The following PDE1C variants were observed in gnomAD, a reference collection of about 807,000 sequenced individuals.
The protein encoded by PDE1C is phosphodiesterase 1C.
Under a neutral mutation model 93.1 loss-of-function variants are expected in PDE1C, and 62 were observed. That is an observed-to-expected ratio of 0.67 (90% CI 0.54 to 0.82). The LOEUF (loss-of-function observed/expected upper bound fraction) is 0.82. Ranked by LOEUF, PDE1C falls within the 40% of genes least tolerant of loss-of-function variation. The probability of loss-of-function intolerance (pLI) is 0.00; values close to 1 mark genes in which losing one functional copy is unlikely to be tolerated. For missense variants in PDE1C, 742 were observed against 884.6 expected, an observed-to-expected ratio of 0.84 and a Z score of 2.04; for synonymous variants, 325 against 310.1, an observed-to-expected ratio of 1.05 and a Z score of -0.50.
intron 3 of PDE1C, among the ~76,000 whole-genome samples, chr7:32,123,640 C>T (rs751828395): frequency 6.6e-6 from 1 of 152,002 alleles, no homozygotes; most frequent in Admixed American, 6.6e-5. Flanking sequence ...AAAGGGCCTT[C>T]GATAAAATTC....
chr7:31,968,469 C>G (rs1440262549), intron 2 of PDE1C, among the ~76,000 whole-genome samples: 3 of 151,954 alleles, frequency 2.0e-5, no homozygotes, highest in Non-Finnish European at 2.9e-5. Context: ...AGGATACAAA[C>G]AAATGGAAGA....
the PDE1C span, among the ~76,000 whole-genome samples, chr7:31,723,169 TAATA>T: frequency 2.0e-5 from 3 of 152,316 alleles, no homozygotes; most frequent in South Asian, 4.1e-4. Context: ...ATGCTTATGA[TAATA>T]AAAATAAGCA....
chr7:32,202,795 T>C (rs1345478475), intron 2 of PDE1C, among the ~76,000 whole-genome samples: 2 of 152,148 alleles, frequency 1.3e-5, no homozygotes, highest in African/African-American at 2.4e-5. Context: ...TTGTGTTCTT[T>C]TGTGTTGCTT....
intron 1 of PDE1C, among the ~76,000 whole-genome samples, chr7:32,358,545 G>T (rs895107228): frequency 6.6e-6 from 1 of 152,204 alleles, no homozygotes; most frequent in East Asian, 1.9e-4. Flanking sequence ...CGGGCAAGTG[G>T]GGGTGTGGAA....
intron 5 of PDE1C, among the ~76,000 whole-genome samples, chr7:31,877,401 T>G (rs552620621): frequency 6.6e-6 from 1 of 152,160 alleles, no homozygotes; most frequent in East Asian, 1.9e-4. Context: ...TCAGTGAGAG[T>G]CTTTGGAAAA....
intron 2 of PDE1C, among the ~76,000 whole-genome samples, chr7:31,978,243 T>C (rs951613976): frequency 3.9e-5 from 6 of 152,288 alleles, no homozygotes; most frequent in African/African-American, 1.4e-4. Context: ...CTCCTACAGA[T>C]AAAACCTTGG....
chr7:31,959,775 T>C (rs1174446786), intron 2 of PDE1C, among the ~76,000 whole-genome samples: 1 of 152,216 alleles, frequency 6.6e-6, no homozygotes, highest in Non-Finnish European at 1.5e-5. Context: ...AAATAAAATA[T>C]TCCATTGCAT....
chr7:31,801,640 T>C (rs1786057305), intron 16 of PDE1C, among the ~76,000 whole-genome samples: 2 of 151,466 alleles, frequency 1.3e-5, no homozygotes, highest in Non-Finnish European at 3.0e-5. Context: ...AATGTTTTTG[T>C]AGTTTGTTTC....
chr7:32,289,617 C>CA (rs919511688), intron 1 of PDE1C, among the ~76,000 whole-genome samples: 15 of 148,208 alleles, frequency 1.0e-4, no homozygotes, highest in Admixed American at 2.0e-4. Flanking sequence ...ACAGCAAAAC[C>CA]AAAAAAAAAA....
chr7:31,965,827 T>A (rs1335842693), intron 2 of PDE1C, among the ~76,000 whole-genome samples: 10 of 152,154 alleles, frequency 6.6e-5, no homozygotes, highest in Admixed American at 6.6e-4. Flanking sequence ...GAAAATAATT[T>A]CCAACCCAGA....
chr7:31,843,310 A>G lies in PDE1C; in HGVS notation c.980+4658T>C, dbSNP rs551953121. On this transcript the variant is annotated intron_variant, in intron 9 of 17. Coordinates refer to ENST00000396191, the MANE Select transcript of PDE1C (RefSeq NM_001191057.4). Reference sequence around the variant, plus strand: ...TGACGCAAGAATCTTAAAACCTCCTATGATTGTGAAAATATATATTTCTCC... The same window carrying G: ...TGACGCAAGAATCTTAAAACCTCCTGTGATTGTGAAAATATATATTTCTCC... 3.3e-5 allele frequency among the ~76,000 whole-genome samples: 5 copies of G among 151,940 alleles called. No homozygotes were observed. In the East Asian group the frequency reaches 9.7e-4, roughly 29 times the overall value.
At chr7:31,761,562 G>A (rs766911409) in intron 17 of PDE1C, among the ~76,000 whole-genome samples, 1 of 152,164 alleles carries the variant, frequency 6.6e-6, no homozygotes, top group South Asian at 2.1e-4. Flanking sequence ...CTCTAGGCCA[G>A]TGGAGTCTAG....
At chr7:31,741,520 A>C in the PDE1C span, among the ~76,000 whole-genome samples, 1 of 152,114 alleles carries the variant, frequency 6.6e-6, no homozygotes, top group African/African-American at 2.4e-5. Flanking sequence ...ATTTCATTCT[A>C]CTATGTTTTA....
intron 2 of PDE1C, among the ~76,000 whole-genome samples, chr7:31,920,060 C>A (rs1268241761): frequency 6.6e-6 from 1 of 152,188 alleles, no homozygotes; most frequent in Non-Finnish European, 1.5e-5. Flanking sequence ...TAGGTGGAAT[C>A]TGCCTGAAAA....
At chr7:32,042,960 C>A (rs1036529470) in intron 2 of PDE1C, among the ~76,000 whole-genome samples, 9 of 152,192 alleles carry the variant, frequency 5.9e-5, no homozygotes, top group African/African-American at 2.2e-4. Context: ...CAGAGAGGAG[C>A]AATTCGGCAC....
At chr7:32,273,268 C>T (rs962980295) in intron 1 of PDE1C, among the ~76,000 whole-genome samples, 2 of 152,130 alleles carry the variant, frequency 1.3e-5, no homozygotes, top group African/African-American at 4.8e-5. Context: ...CATATCAGTC[C>T]CCTGAACCAG....
chr7:31,947,784 C>T (rs1434716005), intron 2 of PDE1C, among the ~76,000 whole-genome samples: 1 of 152,146 alleles, frequency 6.6e-6, no homozygotes, highest in Non-Finnish European at 1.5e-5. Flanking sequence ...GTCATAAATA[C>T]CTCAAGGAGC....
At chr7:32,104,003 C>T (rs1209601576) in intron 3 of PDE1C, among the ~76,000 whole-genome samples, 1 of 151,944 alleles carries the variant, frequency 6.6e-6, no homozygotes, top group Non-Finnish European at 1.5e-5. Context: ...AAGACAAAGA[C>T]ATGGAAAATA....
At chr7:32,187,294 G>A (rs908322242) in intron 2 of PDE1C, among the ~76,000 whole-genome samples, 1 of 151,826 alleles carries the variant, frequency 6.6e-6, no homozygotes, top group African/African-American at 2.4e-5. Context: ...ATGCCTGGCT[G>A]ATAGTTATCT....
Sources: allele counts gnomAD v4.1 joint callset (sites outside exome capture counted in the v4.1 genomes callset), GRCh38; gene constraint gnomAD v4.1.1; transcripts MANE v1.5; gene names NCBI Gene and HGNC (gene_info 2026-07-23, HGNC 2026-07-21).